CDYL2: variants seen among roughly 807,000 people sequenced by gnomAD.
CDYL2 encodes the protein chromodomain Y like 2, also known as chromodomain Y-like protein 2.
A neutral mutation model predicts 49.4 loss-of-function variants in CDYL2; 23 were observed. That is an observed-to-expected ratio of 0.47 (90% CI 0.34 to 0.66). CDYL2 has a LOEUF of 0.66. Among genes scored for constraint, CDYL2 ranks in the 30% least tolerant of loss-of-function variants. The pLI, the probability that CDYL2 is intolerant of heterozygous loss-of-function variation, is 0.01. For missense variants in CDYL2, 678 were observed against 656.4 expected (o/e 1.03, Z -0.36); for synonymous variants, 360 against 268.8 (o/e 1.34, Z -3.32).
intron 2 of CDYL2, among the ~76,000 whole-genome samples, chr16:80,683,768 G>A (rs183910653): frequency 5.3e-5 from 8 of 152,264 alleles, no homozygotes; most frequent in East Asian, 1.9e-4. Context: ...AGGCTGATGG[G>A]CGCTGCCTTG....
At chr16:80,665,205 C>A (rs887506806) in intron 2 of CDYL2, among the ~76,000 whole-genome samples, 8 of 152,142 alleles carry the variant, frequency 5.3e-5, no homozygotes, top group African/African-American at 1.9e-4. Context: ...AGAACACTCT[C>A]CCCTCTCCTC....
In CDYL2 at chr16:80,794,008, C is replaced by A. The variant is rs1182805183; in HGVS notation, c.24+10142G>T. On this transcript the variant is annotated intron_variant, in intron 1 of 6. Transcript: ENST00000570137. The stretch of plus-strand genomic sequence containing the variant: ...TAACTGGTATCGGGTGTGGTTTGAC[C>A]ATCTTGTCTTGGAATCTCAGGATAT... 3.0e-4 allele frequency among the ~76,000 whole-genome samples: 46 copies of A among 152,052 alleles called. 1 individual carries two copies. Among genetic ancestry groups the A allele is most frequent in the Admixed American group, 2.8e-3 (42 of 15,254 alleles).
At chr16:80,673,816 T>A (rs1434094895) in intron 2 of CDYL2, among the ~76,000 whole-genome samples, 1 of 152,202 alleles carries the variant, frequency 6.6e-6, no homozygotes, top group African/African-American at 2.4e-5. Context: ...TGGGAGATTA[T>A]CCTGTATTAT....
intron 1 of CDYL2, among the ~76,000 whole-genome samples, chr16:80,734,296 C>T (rs1230344196): frequency 4.6e-5 from 7 of 152,184 alleles, no homozygotes; most frequent in East Asian, 1.9e-4. Context: ...ATGGTAGCCA[C>T]GCTACATGGA....
chr16:80,686,098 G>C (rs1290751224), intron 1 of CDYL2, among the ~76,000 whole-genome samples: 2 of 152,248 alleles, frequency 1.3e-5, no homozygotes, highest in Non-Finnish European at 2.9e-5. Context: ...ACCATGCACA[G>C]CTCGCAGGCG....
At chr16:80,639,811 GGA>G in intron 2 of CDYL2, 1 of 441,202 alleles carries the variant, frequency 2.3e-6, no homozygotes, top group Non-Finnish European at 4.5e-6. Context: ...CTGTGGAAAG[GGA>G]GAGTGTAGCA....
chr16:80,631,123 G>T (rs1286025078), intron 3 of CDYL2, among the ~76,000 whole-genome samples: 1 of 152,218 alleles, frequency 6.6e-6, no homozygotes, highest in African/African-American at 2.4e-5. Flanking sequence ...CAGAACCCCT[G>T]CCCTCCTGGC....
At chr16:80,669,966 C>A (rs756685202) in intron 2 of CDYL2, among the ~76,000 whole-genome samples, 1 of 152,324 alleles carries the variant, frequency 6.6e-6, no homozygotes, top group South Asian at 2.1e-4. Context: ...TAATCTCACC[C>A]GTCTCCATGC....
intron 1 of CDYL2, among the ~76,000 whole-genome samples, chr16:80,767,379 A>C (rs1275601284): frequency 6.6e-6 from 1 of 152,198 alleles, no homozygotes; most frequent in East Asian, 1.9e-4. Flanking sequence ...TCAGGGAAGG[A>C]GAGCTTAATT....
chr16:80,766,643 G>C (rs1161118347), intron 1 of CDYL2, among the ~76,000 whole-genome samples: 2 of 152,150 alleles, frequency 1.3e-5, no homozygotes, highest in East Asian at 3.8e-4. Context: ...GATTCCAAGA[G>C]GTGCAGAAAT....
At chr16:80,724,317 G>A (rs1905097387) in intron 1 of CDYL2, among the ~76,000 whole-genome samples, 1 of 150,162 alleles carries the variant, frequency 6.7e-6, no homozygotes, top group Non-Finnish European at 1.5e-5. Context: ...AGAGGAAGAT[G>A]GGAAGAGGAA....
chr16:80,601,891 T>C lies in CDYL2; in HGVS notation c.*2497A>G, dbSNP rs1207385030. On this transcript the variant is annotated 3_prime_UTR_variant, in exon 7 of 7. Transcript: ENST00000570137. ...AATCTTCAGAGATCCTTGAAATGTT[T>C]AGAAGTTTGGATTTGATAGTACATC... The C allele has an allele frequency of 3.3e-5, 5 of 152,238 alleles. No individual in the cohort carries two copies. The South Asian group carries it at 6.2e-4, about 19-fold the overall frequency. The allele number at this position is 152,238 out of a possible 1,614,324, so 9.4% of individuals were successfully genotyped here. A position where few individuals can be genotyped will look rare whatever the true frequency, so the allele number is the denominator to read the frequency against.
At chr16:80,682,358 A>C (rs1910000938) in intron 2 of CDYL2, among the ~76,000 whole-genome samples, 1 of 152,218 alleles carries the variant, frequency 6.6e-6, no homozygotes, top group Non-Finnish European at 1.5e-5. Context: ...AGGACAATCA[A>C]CGGATCTCAA....
rs1259262898 is a variant in CDYL2, at chr16:80,640,956, G to C, written c.617-7720C>G. Reference sequence around the variant, plus strand: ...CAGTGAAGCATGCCTACAGGATCTAGAAAATAGCCTCAAAAGGGCAAATCT... The same window carrying C: ...CAGTGAAGCATGCCTACAGGATCTACAAAATAGCCTCAAAAGGGCAAATCT... On this transcript the variant is annotated intron_variant, in intron 2 of 6. Coordinates refer to ENST00000570137, the MANE Select transcript of CDYL2 (RefSeq NM_152342.4). Among the ~76,000 whole-genome samples the C allele has an allele frequency of 2.6e-5, 4 of 152,118 alleles. No homozygotes were observed. The East Asian group carries it at 7.7e-4, about 29-fold the overall frequency.
intron 1 of CDYL2, among the ~76,000 whole-genome samples, chr16:80,799,206 T>C (rs1412464318): frequency 3.3e-5 from 5 of 152,228 alleles, no homozygotes; most frequent in African/African-American, 2.4e-5. Flanking sequence ...TTAGTATTTA[T>C]TGAACATCAA....
At chr16:80,657,811 G>A (rs1164580904) in intron 2 of CDYL2, among the ~76,000 whole-genome samples, 1 of 151,998 alleles carries the variant, frequency 6.6e-6, no homozygotes, top group Non-Finnish European at 1.5e-5. Context: ...AATTTAACAG[G>A]AAAACTGTAC....
At chr16:80,802,103 C>T (rs1219595327) in intron 1 of CDYL2, among the ~76,000 whole-genome samples, 1 of 152,186 alleles carries the variant, frequency 6.6e-6, no homozygotes, top group African/African-American at 2.4e-5. Flanking sequence ...CGTGAAAACT[C>T]TCCTCTTAAC....
intron 1 of CDYL2, among the ~76,000 whole-genome samples, chr16:80,733,596 A>G (rs372481795): frequency 6.6e-6 from 1 of 152,278 alleles, no homozygotes; most frequent in East Asian, 1.9e-4. Context: ...TGCCTGAGCA[A>G]GAGGAAATGA....
In CDYL2 at chr16:80,612,480, A is replaced by G; in HGVS notation, c.1218+146T>C. 1.4e-6 allele frequency: 1 copy of G among 711,120 alleles called. No homozygotes were observed. Among genetic ancestry groups the G allele is most frequent in the South Asian group, 1.9e-5 (1 of 53,252 alleles). The allele number at this position is 711,120 out of a possible 1,614,324, so 44.1% of individuals were successfully genotyped here. The stretch of plus-strand genomic sequence containing the variant: ...CTCAGGCCGGGCTACTCCATCTGGC[A>G]CTGAAGGTGTGAAGGACATGAGGCA... On this transcript the variant is annotated intron_variant, in intron 5 of 6. Coordinates refer to ENST00000570137, the MANE Select transcript of CDYL2 (RefSeq NM_152342.4). The surrounding 1 kb of genome is among the most constrained non-coding windows in gnomAD (Gnocchi z 5.0).
Sources: gnomAD v4.1 joint callset for allele counts (sites outside exome capture counted in the v4.1 genomes callset) on GRCh38, gnomAD v4.1.1 for gene constraint, Gnocchi (gnomAD v3.1) non-coding constraint, MANE v1.5 for transcripts, NCBI Gene and HGNC (gene_info 2026-07-23, HGNC 2026-07-21) for gene names.